AAK1: variants seen among roughly 807,000 people sequenced by gnomAD.
The protein encoded by AAK1 is AP2-associated protein kinase 1.
Under a neutral mutation model 116.0 loss-of-function variants are expected in AAK1, and 37 were observed. That is an observed-to-expected ratio of 0.32 (90% CI 0.25 to 0.42). AAK1 has a LOEUF of 0.42. AAK1 is among the 10% of genes least tolerant of loss of function. AAK1 has a pLI of 1.00. For synonymous variants in AAK1, 458 were observed against 439.9 expected (o/e 1.04, Z -0.51); for missense variants, 919 against 1,170.6 (o/e 0.79, Z 3.14).
chr2:69,493,519 G>A (rs1250869965), intron 17 of AAK1, among the ~76,000 whole-genome samples: 4 of 152,110 alleles, frequency 2.6e-5, no homozygotes, highest in South Asian at 2.1e-4. Context: ...CAGGGTAATG[G>A]GGCCACCTAA....
chr2:69,493,735 G>C (rs2104927396), intron 17 of AAK1, among the ~76,000 whole-genome samples: 1 of 152,310 alleles, frequency 6.6e-6, no homozygotes, highest in Middle Eastern at 3.4e-3. Context: ...ATGTGACTGG[G>C]AGTGCCCATG....
Position 69,530,035 on chromosome 2 carries a change from A to G in AAK1, c.844T>C (p.Tyr282His). 6.2e-7 allele frequency: 1 copy of G among 1,600,334 alleles called. No homozygotes were observed. The highest frequency in any genetic ancestry group is 8.5e-7 in the Non-Finnish European group (1 of 1,173,438). The change falls in exon 8 of 22, where the codon TAT becomes CAT. Residue 282 changes from tyrosine to histidine, a missense_variant. Around this residue, in one of 4 missense-constraint regions of AAK1, gnomAD observed 317 missense variants for 490.4 expected, o/e 0.65. Coordinates refer to ENST00000409085, the MANE Select transcript of AAK1 (RefSeq NM_014911.5). ...GNFTIPDNSR[Y>H]SQDMHCLIRY... ...ATTAGGCAGTGCATGTCTTGAGAAT[A>G]TCGAGAATTATCAGGAATTGTGAAG...
At position 69,640,053 on chromosome 2, in the gene AAK1, A is replaced by ACT. The variant is rs1177010194; in HGVS notation, c.163+2823_163+2824dup. 9.0e-3 allele frequency among the ~76,000 whole-genome samples: 838 copies of ACT among 92,650 alleles called. 5 individuals carry two copies. Among genetic ancestry groups the ACT allele is most frequent in the Non-Finnish European group, 0.012 (552 of 46,988 alleles). The allele number at this position is 92,650 out of a possible 152,430, so 60.8% of individuals were successfully genotyped here. Reference sequence around the variant, plus strand: ...CACACACACACACACACACACACACACTCTCTCTCTCTCTCTCTCTCTCTC... The same window carrying ACT: ...CACACACACACACACACACACACACACTCTCTCTCTCTCTCTCTCTCTCTCTC... On this transcript the variant is annotated intron_variant, in intron 2 of 21. Coordinates refer to ENST00000409085, the MANE Select transcript of AAK1 (RefSeq NM_014911.5).
intron 2 of AAK1, among the ~76,000 whole-genome samples, chr2:69,569,622 C>T (rs1248678122): frequency 1.3e-5 from 2 of 152,058 alleles, no homozygotes; most frequent in East Asian, 3.9e-4. Flanking sequence ...ACACAAAGTC[C>T]CTCAGGCCCC....
chr2:69,541,418 G>T (rs867024858), intron 5 of AAK1, among the ~76,000 whole-genome samples: 1 of 151,926 alleles, frequency 6.6e-6, no homozygotes, highest in Non-Finnish European at 1.5e-5. Context: ...TTTTAGTAGA[G>T]ACGTGGTTTC....
chr2:69,566,783 A>G (rs1378689055), intron 2 of AAK1, among the ~76,000 whole-genome samples: 12 of 152,192 alleles, frequency 7.9e-5, no homozygotes. Context: ...GTTGGTTCAC[A>G]TATACCAGAG....
intron 2 of AAK1, among the ~76,000 whole-genome samples, chr2:69,584,014 A>C (rs964991068): frequency 2.0e-5 from 3 of 152,210 alleles, no homozygotes; most frequent in African/African-American, 7.2e-5. Flanking sequence ...TTCCCTAATA[A>C]GGAACCTCTT....
intron 2 of AAK1, among the ~76,000 whole-genome samples, chr2:69,628,406 T>A (rs925848014): frequency 6.6e-6 from 1 of 152,136 alleles, no homozygotes; most frequent in Non-Finnish European, 1.5e-5. Context: ...AAAACCATGT[T>A]TGCACTAGAA....
rs1488742534 is a variant in AAK1 at position 69,470,258 on chromosome 2, A to C, written c.*5611T>G. On this transcript the variant is annotated 3_prime_UTR_variant, in exon 22 of 22. Coordinates refer to ENST00000409085, the MANE Select transcript of AAK1 (RefSeq NM_014911.5). Reference sequence around the variant, plus strand: ...AACGAAGACTTGGAGCATTGAGAAGAAGCCTTCTCACATATAGTTAGTAAA... The same window carrying C: ...AACGAAGACTTGGAGCATTGAGAAGCAGCCTTCTCACATATAGTTAGTAAA... 2.0e-6 allele frequency: 2 copies of C among 985,338 alleles called. No individual in the cohort carries two copies. Among genetic ancestry groups the C allele is most frequent in the Non-Finnish European group, 2.4e-6 (2 of 829,940 alleles). The allele number at this position is 985,338 out of a possible 1,614,324, so 61.0% of individuals were successfully genotyped here. A position where few individuals can be genotyped will look rare whatever the true frequency, so the allele number is the denominator to read the frequency against.
chr2:69,561,081 T>C (rs752332620), intron 2 of AAK1, among the ~76,000 whole-genome samples: 4 of 152,196 alleles, frequency 2.6e-5, no homozygotes, highest in Non-Finnish European at 5.9e-5. Context: ...ATTTAAACAC[T>C]GGCAACAAGT....
chr2:69,474,165 G>T lies in AAK1; in HGVS notation c.*1704C>A, dbSNP rs1212773692. On this transcript the variant is annotated 3_prime_UTR_variant, in exon 22 of 22. Transcript: ENST00000409085. ...GCCCTCCAGAATGCAGTGTTTTATA[G>T]GCTGTTGTTGCTGTTAAACTTTTTT... The T allele has an allele frequency of 1.0e-6, 1 of 985,730 alleles. No individual in the cohort carries two copies. The highest frequency in any genetic ancestry group is 1.2e-6 in the Non-Finnish European group (1 of 829,942). 61.1% of individuals were successfully genotyped at this position (985,730 alleles called of 1,614,324 possible).
At chr2:69,621,987 T>C (rs540531892) in intron 2 of AAK1, among the ~76,000 whole-genome samples, 125 of 152,318 alleles carry the variant, frequency 8.2e-4, no homozygotes, top group African/African-American at 2.9e-3. Context: ...TGGCCGTGCT[T>C]GAGGAGCCCT....
intron 2 of AAK1, chr2:69,595,088 A>T: frequency 1.5e-6 from 1 of 666,340 alleles, no homozygotes; most frequent in South Asian, 1.4e-5. Flanking sequence ...GCATGGAAAA[A>T]GCTAGGATTT....
chr2:69,527,569 C>T lies in AAK1; in HGVS notation c.872-250G>A, dbSNP rs1171072831. Among the ~76,000 whole-genome samples the T allele has an allele frequency of 3.3e-5, 5 of 152,106 alleles. No individual in the cohort carries two copies. In the South Asian group the frequency reaches 8.3e-4, roughly 25 times the overall value. On this transcript the variant is annotated intron_variant, in intron 8 of 21. Transcript: ENST00000409085. ...AGATACTTAAAGTTCATATTCTATGCTTTGCACCAGAGGGACTCAAGCTCT... is the reference window on the plus strand; with the variant it reads ...AGATACTTAAAGTTCATATTCTATGTTTTGCACCAGAGGGACTCAAGCTCT...
intron 13 of AAK1, among the ~76,000 whole-genome samples, chr2:69,513,019 G>A (rs1459699446): frequency 6.6e-6 from 1 of 152,176 alleles, no homozygotes; most frequent in African/African-American, 2.4e-5. Context: ...GTAAAATGAG[G>A]AGGCTGAACT....
intron 3 of AAK1, 60 bp downstream of exon 3, chr2:69,556,800 T>A (rs1671404725): frequency 7.3e-7 from 1 of 1,361,734 alleles, no homozygotes; most frequent in African/African-American, 1.4e-5. Flanking sequence ...GGCTTTCTTA[T>A]GAGAGGGTAC....
At chr2:69,577,367 C>T (rs1672355453) in intron 2 of AAK1, among the ~76,000 whole-genome samples, 1 of 152,204 alleles carries the variant, frequency 6.6e-6, no homozygotes, top group Non-Finnish European at 1.5e-5. Flanking sequence ...AGAAATTCAC[C>T]TGACTTTCCA....
At chr2:69,641,078 A>T (rs773883963) in intron 2 of AAK1, among the ~76,000 whole-genome samples, 4 of 152,234 alleles carry the variant, frequency 2.6e-5, no homozygotes, top group Non-Finnish European at 4.4e-5. Flanking sequence ...CTCAAAGATG[A>T]ATCCCAGAGA....
chr2:69,624,745 C>T (rs75454746), intron 2 of AAK1, among the ~76,000 whole-genome samples: 2,856 of 152,284 alleles, frequency 0.019, 95 homozygotes, highest in African/African-American at 0.065. Context: ...GAGTCTCCAG[C>T]AGAGCCCTAC....
Sources: gnomAD v4.1 joint callset for allele counts (sites outside exome capture counted in the v4.1 genomes callset) on GRCh38, gnomAD v4.1.1 for gene constraint, gnomAD v4.1.1 regional missense constraint, MANE v1.5 for transcripts, NCBI Gene and HGNC (gene_info 2026-07-23, HGNC 2026-07-21) for gene names.